The following NTMT2 variants were observed in gnomAD, a reference collection of about 807,000 sequenced individuals.
The protein encoded by NTMT2 is N-terminal Xaa-Pro-Lys N-methyltransferase 2, also known as X-Pro-Lys N-terminal protein methyltransferase 1B.
NTMT2 carries 21 observed loss-of-function variants against 23.4 expected under a neutral mutation model. The ratio of observed to expected loss-of-function variants is 0.90; its 90% confidence interval spans 0.64 to 1.29. NTMT2 has a LOEUF of 1.29. NTMT2 is among the 50% of genes most tolerant of loss of function. The pLI is 0.00. For synonymous variants in NTMT2, 131 were observed against 127.7 expected, an observed-to-expected ratio of 1.03 and a Z score of -0.17; for missense variants, 336 against 352.0, an observed-to-expected ratio of 0.95 and a Z score of 0.36.
intron 2 of NTMT2, among the ~76,000 whole-genome samples, chr1:170,161,228 G>A (rs1312249180): frequency 4.6e-5 from 7 of 151,752 alleles, no homozygotes; most frequent in Admixed American, 4.6e-4. Flanking sequence ...GAACCTGGGA[G>A]GCAGAGCTTG....
In NTMT2 at chr1:170,168,240, C is replaced by CAAAAAAA. The variant is rs57166192; in HGVS notation, c.*491_*497dup. Among the ~76,000 whole-genome samples the CAAAAAAA allele has an allele frequency of 3.4e-5, 4 of 116,750 alleles. No homozygotes were observed. The highest frequency in any genetic ancestry group is 5.5e-5 in the Non-Finnish European group (3 of 54,330). 76.6% of individuals were successfully genotyped at this position (116,750 alleles called of 152,430 possible). A position where few individuals can be genotyped will look rare whatever the true frequency, so the allele number is the denominator to read the frequency against. On this transcript the variant is annotated 3_prime_UTR_variant, in exon 4 of 4. Coordinates refer to ENST00000439373, the MANE Select transcript of NTMT2 (RefSeq NM_001136107.2). ...CAGATAAAGCATTTGTCTACTCAAA[C>CAAAAAAA]AAAAAAAAAAAAAAGAAAAAGAAAC...
At chr1:170,155,761 A>C (rs1673153181) in intron 1 of NTMT2, among the ~76,000 whole-genome samples, 1 of 152,112 alleles carries the variant, frequency 6.6e-6, no homozygotes, top group Non-Finnish European at 1.5e-5. Flanking sequence ...CTTAGCTATC[A>C]ACAAAACTTC....
chr1:170,164,093 G>A (rs1410348544), intron 2 of NTMT2, among the ~76,000 whole-genome samples: 4 of 139,454 alleles, frequency 2.9e-5, no homozygotes, highest in African/African-American at 5.4e-5. Flanking sequence ...CTGCACTCCA[G>A]GCTGGGTGAC....
chr1:170,166,812 T>C (rs1673404120), intron 3 of NTMT2, 61 bp downstream of exon 3: 2 of 1,526,304 alleles, frequency 1.3e-6, no homozygotes, highest in Admixed American at 2.0e-5. Context: ...AAGACAGTCC[T>C]TGGGGCTAAT....
rs1185224178 is a variant in NTMT2 at position 170,167,730 on chromosome 1, C to T, written c.825C>T (p.Phe275=). 5 of 1,550,552 alleles carry T rather than the reference C, an allele frequency of 3.2e-6. No individual in the cohort carries two copies. In the African/African-American group the frequency reaches 5.5e-5, roughly 17 times the overall value. Reference sequence around the variant, plus strand: ...AGCAGTGCATCCCCGTGTGGATGTTCGCACTGCACAGCGACAGACACTCCT... The same window carrying T: ...AGCAGTGCATCCCCGTGTGGATGTTTGCACTGCACAGCGACAGACACTCCT... ...FPEQCIPVWM[F]ALHSDRHS is the part of the protein sequence containing the mutation. The change falls in exon 4 of 4, where the codon TTC becomes TTT. Residue 275 remains phenylalanine, a synonymous_variant. Transcript: ENST00000439373.
intron 2 of NTMT2, among the ~76,000 whole-genome samples, chr1:170,160,996 CT>C (rs1673264024): frequency 6.6e-6 from 1 of 152,182 alleles, no homozygotes; most frequent in Non-Finnish European, 1.5e-5. Context: ...GAAGACATCT[CT>C]TTTAGAGTCT....
intron 2 of NTMT2, among the ~76,000 whole-genome samples, chr1:170,166,125 C>CTTTTTTTTTT (rs1420113193): frequency 5.3e-5 from 6 of 112,558 alleles, no homozygotes; most frequent in East Asian, 2.7e-4. Flanking sequence ...AATTTTCTTT[C>CTTTTTTTTTT]TTTTTTTTTT....
At chr1:170,155,209 A>G (rs1414195709) in intron 1 of NTMT2, among the ~76,000 whole-genome samples, 1 of 152,140 alleles carries the variant, frequency 6.6e-6, no homozygotes, top group Admixed American at 6.5e-5. Flanking sequence ...TCTTTATAGT[A>G]ACACAAGAAC....
intron 1 of NTMT2, among the ~76,000 whole-genome samples, chr1:170,159,418 CT>C (rs1355727136): frequency 4.8e-5 from 3 of 62,816 alleles, no homozygotes; most frequent in Non-Finnish European, 9.0e-5. Context: ...GATTTATGCT[CT>C]GGTTTTTTTT....
chr1:170,162,103 C>CACAA (rs996297657), intron 2 of NTMT2, among the ~76,000 whole-genome samples: 5 of 152,020 alleles, frequency 3.3e-5, no homozygotes, highest in East Asian at 3.8e-4. Flanking sequence ...CAAACGAACA[C>CACAA]ACAAACAAAC....
At chr1:170,159,172 C>G (rs1673219655) in intron 1 of NTMT2, among the ~76,000 whole-genome samples, 1 of 152,092 alleles carries the variant, frequency 6.6e-6, no homozygotes, top group Non-Finnish European at 1.5e-5. Flanking sequence ...GTAGATTTTA[C>G]CAGATTCTGA....
intron 2 of NTMT2, 26 bp from the exon 3 acceptor site, chr1:170,166,476 T>A (rs1377497604): frequency 6.4e-7 from 1 of 1,551,798 alleles, no homozygotes. Flanking sequence ...TCTCTGTACT[T>A]GAAATATCAA....
intron 2 of NTMT2, among the ~76,000 whole-genome samples, chr1:170,165,914 C>CT (rs1449296696): frequency 6.9e-6 from 1 of 145,426 alleles, no homozygotes; most frequent in South Asian, 2.1e-4. Context: ...ATTTATAATT[C>CT]TTTTTTTGGA....
chr1:170,166,465 G>A (rs1673388259), intron 2 of NTMT2, 37 bp from the exon 3 acceptor site: 2 of 1,551,014 alleles, frequency 1.3e-6, no homozygotes, highest in African/African-American at 1.4e-5. Context: ...TCAAGGATGG[G>A]TCTCTGTACT....
intron 2 of NTMT2, among the ~76,000 whole-genome samples, chr1:170,161,888 G>A (rs1296227604): frequency 6.6e-6 from 1 of 152,072 alleles, no homozygotes. Flanking sequence ...GTCAGAGTTT[G>A]AGACCAGCCT....
chr1:170,165,139 A>C (rs2102241984), intron 2 of NTMT2, among the ~76,000 whole-genome samples: 1 of 152,244 alleles, frequency 6.6e-6, no homozygotes, highest in South Asian at 2.1e-4. Flanking sequence ...GGCAACTTCA[A>C]GTATCTTGTT....
At chr1:170,152,330 A>G (rs1293433957) in intron 1 of NTMT2, among the ~76,000 whole-genome samples, 1 of 152,170 alleles carries the variant, frequency 6.6e-6, no homozygotes, top group Non-Finnish European at 1.5e-5. Context: ...TGTCTTCAGT[A>G]TCTCCCCTTG....
Position 170,167,090 on chromosome 1 carries a change from G to A in NTMT2, c.580+339G>A, listed in dbSNP as rs1172147181. The stretch of plus-strand genomic sequence containing the variant: ...CAAAAAGGTTAATCCCCATTTATTG[G>A]CAGAACTAGACATTCTTAGATTTAA... On this transcript the variant is annotated intron_variant, in intron 3 of 3. Coordinates refer to ENST00000439373, the MANE Select transcript of NTMT2 (RefSeq NM_001136107.2). 2.0e-5 allele frequency among the ~76,000 whole-genome samples: 3 copies of A among 152,148 alleles called. No homozygotes were observed. The East Asian group carries it at 5.8e-4, about 29-fold the overall frequency.
At chr1:170,162,856 CTTTA>C (rs61583139) in intron 2 of NTMT2, among the ~76,000 whole-genome samples, 129,212 of 148,810 alleles carry the variant, frequency 0.87, 56,296 homozygotes, top group South Asian at 0.95. Flanking sequence ...AAAATCCCTG[CTTTA>C]TTTATTTATT....
Sources: allele counts gnomAD v4.1 joint callset (sites outside exome capture counted in the v4.1 genomes callset), GRCh38; gene constraint gnomAD v4.1.1; transcripts MANE v1.5; gene names NCBI Gene and HGNC (gene_info 2026-07-23, HGNC 2026-07-21).